HMGB1: variants seen among roughly 807,000 people sequenced by gnomAD.
The protein encoded by HMGB1 is high mobility group box 1.
For synonymous variants in HMGB1, 81 were observed against 84.0 expected (o/e 0.96, Z 0.19); for missense variants, 79 against 253.5 (o/e 0.31, Z 4.67).
At position 30,459,777 on chromosome 13, in the gene HMGB1, G is replaced by A. The variant is rs1459257517; in HGVS notation, c.*1580C>T. ...CTTATTTAAAAGGTACTGCTAAGAG[G>A]TATTATTAGAAACAAGATTTAAAAA... On this transcript the variant is annotated 3_prime_UTR_variant, in exon 5 of 5. Transcript: ENST00000341423. The A allele has an allele frequency of 6.6e-6, 1 of 152,126 alleles. No homozygotes were observed. Among genetic ancestry groups the A allele is most frequent in the Non-Finnish European group, 1.5e-5 (1 of 67,988 alleles). 9.4% of individuals were successfully genotyped at this position (152,126 alleles called of 1,614,324 possible). A position where few individuals can be genotyped will look rare whatever the true frequency, so the allele number is the denominator to read the frequency against.
chr13:30,534,616 C>CT (rs1216929821), intron 1 of HMGB1, among the ~76,000 whole-genome samples: 1,453 of 124,650 alleles, frequency 0.012, 20 homozygotes, highest in African/African-American at 0.022. Flanking sequence ...GTTCAAGCTG[C>CT]TTTTTTTTTT....
intron 2 of HMGB1, 83 bp from the exon 3 acceptor site, chr13:30,463,435 C>A: frequency 2.0e-6 from 3 of 1,517,914 alleles, no homozygotes; most frequent in Non-Finnish European, 2.7e-6. Flanking sequence ...TATGTAATAG[C>A]GTCCCACTAC....
chr13:30,478,013 A>G (rs1168897094), intron 1 of HMGB1, among the ~76,000 whole-genome samples: 3 of 152,206 alleles, frequency 2.0e-5, no homozygotes, highest in African/African-American at 7.2e-5. Context: ...TTTCCTTTTG[A>G]CTTACAAGAA....
intron 1 of HMGB1, among the ~76,000 whole-genome samples, chr13:30,594,137 C>T (rs984157325): frequency 2.6e-5 from 4 of 152,136 alleles, no homozygotes; most frequent in Non-Finnish European, 5.9e-5. Context: ...CGTGTATTAG[C>T]GGAAGAGAGC....
intron 1 of HMGB1, among the ~76,000 whole-genome samples, chr13:30,492,613 A>G (rs1431084005): frequency 6.6e-6 from 1 of 152,256 alleles, no homozygotes; most frequent in Non-Finnish European, 1.5e-5. Flanking sequence ...AAATGATGAC[A>G]ATACCAAGTA....
At position 30,458,996 on chromosome 13, in the gene HMGB1, T is replaced by C. The variant is rs532726346; in HGVS notation, c.*2361A>G. On this transcript the variant is annotated 3_prime_UTR_variant, in exon 5 of 5. Transcript: ENST00000341423. ...ACAAAAAAACTAAGATTTATACATC[T>C]TAGTTCATTAGTTTTAAAAAGCATC... The C allele has an allele frequency of 6.6e-6, 1 of 152,316 alleles. No homozygotes were observed. Among genetic ancestry groups the C allele is most frequent in the Admixed American group, 6.5e-5 (1 of 15,308 alleles). 9.4% of individuals were successfully genotyped at this position (152,316 alleles called of 1,614,324 possible).
chr13:30,567,371 ATCTCAC>A (rs1870229963), intron 1 of HMGB1, among the ~76,000 whole-genome samples: 1 of 147,836 alleles, frequency 6.8e-6, no homozygotes, highest in Non-Finnish European at 1.5e-5. Context: ...TTGAGAATGA[ATCTCAC>A]TCTGTCACCA....
chr13:30,539,656 T>C lies in HMGB1; in HGVS notation c.-14-75962A>G, dbSNP rs534792749. ...TGAGGGTCCTGAAAAGGATTGGTCCTGGAGTCTTCATGAAAGGAATGAGGT... is the reference window on the plus strand; with the variant it reads ...TGAGGGTCCTGAAAAGGATTGGTCCCGGAGTCTTCATGAAAGGAATGAGGT... On this transcript the variant is annotated intron_variant, in intron 1 of 4. Coordinates refer to the HMGB1 transcript ENST00000405805. The C allele has an allele frequency of 1.5e-4, 42 of 279,352 alleles. 1 individual carries two copies. Among genetic ancestry groups the C allele is most frequent in the South Asian group, 3.6e-4 (5 of 13,838 alleles). 17.3% of individuals were successfully genotyped at this position (279,352 alleles called of 1,614,324 possible).
chr13:30,559,379 G>A lies in HMGB1; in HGVS notation c.-15+57292C>T, dbSNP rs1869842931. On this transcript the variant is annotated intron_variant, in intron 1 of 4. Coordinates refer to the HMGB1 transcript ENST00000405805. The surrounding 1 kb of genome is among the most constrained non-coding windows in gnomAD (Gnocchi z 6.6). ...GTGAACTCCCAATCCCGGTAAGATG[G>A]CCCGAGTTTCATTGCTGGTTTACTA... is the stretch of plus-strand genomic sequence containing the variant. Among the ~76,000 whole-genome samples the A allele has an allele frequency of 1.3e-5, 2 of 152,112 alleles. No individual in the cohort carries two copies. The highest frequency in any genetic ancestry group is 2.1e-4 in the South Asian group (1 of 4,820).
At chr13:30,466,807 A>G (rs1241209975), upstream of HMGB1, among the ~76,000 whole-genome samples, 3 of 152,250 alleles carry the variant, frequency 2.0e-5, no homozygotes, top group Non-Finnish European at 4.4e-5. Context: ...AGGCCCTGGT[A>G]GAATTAGCAA....
intron 1 of HMGB1, among the ~76,000 whole-genome samples, chr13:30,591,999 G>T (rs1871391437): frequency 6.6e-6 from 1 of 151,850 alleles, no homozygotes; most frequent in Non-Finnish European, 1.5e-5. Flanking sequence ...CAACTGCATG[G>T]GAGAAAGCAA....
At chr13:30,499,913 C>T (rs561432477) in intron 1 of HMGB1, among the ~76,000 whole-genome samples, 34 of 152,306 alleles carry the variant, frequency 2.2e-4, no homozygotes, top group Non-Finnish European at 4.3e-4. Flanking sequence ...CTGAGTTCCT[C>T]GGGCCTGGGG....
At chr13:30,604,585 T>C (rs1254402460) in intron 1 of HMGB1, among the ~76,000 whole-genome samples, 2 of 152,228 alleles carry the variant, frequency 1.3e-5, no homozygotes, top group African/African-American at 4.8e-5. Context: ...TCTGTTATAA[T>C]CTGTCCTAGA....
At chr13:30,473,191 C>T (rs981978806) in intron 1 of HMGB1, among the ~76,000 whole-genome samples, 1 of 152,132 alleles carries the variant, frequency 6.6e-6, no homozygotes, top group African/African-American at 2.4e-5. Flanking sequence ...GTACCTCCTG[C>T]CTCAGCCCGA....
chr13:30,584,386 T>C (rs1190380024), intron 1 of HMGB1, among the ~76,000 whole-genome samples: 1 of 152,224 alleles, frequency 6.6e-6, no homozygotes, highest in African/African-American at 2.4e-5. Flanking sequence ...AGCGAAAGTA[T>C]TTATCCCAGT....
At chr13:30,493,139 A>G (rs1887537424) in intron 1 of HMGB1, among the ~76,000 whole-genome samples, 1 of 152,150 alleles carries the variant, frequency 6.6e-6, no homozygotes, top group Non-Finnish European at 1.5e-5. Flanking sequence ...GTTTATTTGT[A>G]ATAGTTAAAA....
In HMGB1 at chr13:30,558,408, A is replaced by G. The variant is rs181698890; in HGVS notation, c.-15+58263T>C. On this transcript the variant is annotated intron_variant, in intron 1 of 4. Transcript: ENST00000405805. The stretch of plus-strand genomic sequence containing the variant: ...TGTCTATATCTTACATCTCATTCTT[A>G]GCCAAAAGTGTGGAGTTTAAAACCA... Among the ~76,000 whole-genome samples, 282 of 152,368 alleles carry G rather than the reference A, an allele frequency of 1.9e-3. 1 individual carries two copies. The highest frequency in any genetic ancestry group is 6.8e-3 in the Middle Eastern group (2 of 294).
chr13:30,507,045 A>G (rs1887885539), intron 1 of HMGB1, among the ~76,000 whole-genome samples: 1 of 152,188 alleles, frequency 6.6e-6, no homozygotes, highest in Non-Finnish European at 1.5e-5. Context: ...CTTGTTGTTC[A>G]TATTCAGGGC....
intron 1 of HMGB1, among the ~76,000 whole-genome samples, chr13:30,538,568 T>TC (rs1313680951): frequency 1.2e-5 from 1 of 86,054 alleles, no homozygotes; most frequent in African/African-American, 1.1e-4. Context: ...TCTTTCTTCT[T>TC]TTTCTTTCTT....
Sources: gnomAD v4.1 joint callset for allele counts (sites outside exome capture counted in the v4.1 genomes callset) on GRCh38, gnomAD v4.1.1 for gene constraint, Gnocchi (gnomAD v3.1) non-coding constraint, MANE v1.5 for transcripts, NCBI Gene and HGNC (gene_info 2026-07-23, HGNC 2026-07-21) for gene names.